The following SLC19A1 variants were observed in gnomAD, a reference collection of about 807,000 sequenced individuals.
The protein encoded by SLC19A1 is solute carrier family 19 member 1.
Under a neutral mutation model 35.3 loss-of-function variants are expected in SLC19A1, and 37 were observed. That is an observed-to-expected ratio of 1.05 (90% CI 0.81 to 1.38). SLC19A1 has a LOEUF of 1.38. SLC19A1 is among the 40% of genes most tolerant of loss of function. The pLI, the probability that SLC19A1 is intolerant of heterozygous loss-of-function variation, is 0.00. For missense variants in SLC19A1, 831 were observed against 826.9 expected (o/e 1.00, Z -0.06); for synonymous variants, 460 against 398.5 (o/e 1.15, Z -1.84).
At chr21:45,549,402 A>T (rs2078443197), upstream of SLC19A1, among the ~76,000 whole-genome samples, 1 of 151,912 alleles carries the variant, frequency 6.6e-6, no homozygotes, top group African/African-American at 2.4e-5. Context: ...TCTGTCAGAC[A>T]TGTTTAACAA....
chr21:45,545,930 T>C (rs944647354), upstream of SLC19A1, among the ~76,000 whole-genome samples: 1 of 152,220 alleles, frequency 6.6e-6, no homozygotes, highest in African/African-American at 2.4e-5. Context: ...TGCTGGCCAG[T>C]GGGTCTCTGC....
At position 45,516,100 on chromosome 21, in the gene SLC19A1, A is replaced by C; in HGVS notation, c.1334T>G (p.Ile445Ser). The change falls in exon 6 of 6, where the codon ATC becomes AGC. Residue 445 changes from isoleucine to serine, a missense_variant. Physicochemically the swap from Ile to Ser is moderately radical, Grantham distance 142. Transcript: ENST00000311124. ...ATCCAGCATGGCCCCCAAGAAGTAG[A>C]TGATGGACAGGATCAGGAAGTACAC... ...YSVYFLILSI[I>S]YFLGAMLDGL... 6.2e-7 allele frequency: 1 copy of C among 1,606,264 alleles called. No individual in the cohort carries two copies. The highest frequency in any genetic ancestry group is 8.5e-7 in the Non-Finnish European group (1 of 1,177,470).
At chr21:45,536,000 G>T in intron 2 of SLC19A1, 1 of 202,592 alleles carries the variant, frequency 4.9e-6, no homozygotes, top group Non-Finnish European at 9.0e-6. Context: ...ACTGGTGGCT[G>T]CCCCTGCACC....
rs114186192 is a variant in SLC19A1, at chr21:45,562,742, G to A, written c.-50C>T. ...CCAGACAGAAAGGAGCTGTACTTAC[G>A]GTAGATTCCAACAATCCGCAGAAGA... On this transcript the variant is annotated splice_region_variant and 5_prime_UTR_variant, in exon 1 of 6. Transcript: ENST00000650808. 3.2e-3 allele frequency among the ~76,000 whole-genome samples: 493 copies of A among 152,310 alleles called. 3 individuals carry two copies. The highest frequency in any genetic ancestry group is 0.011 in the African/African-American group (462 of 41,548).
chr21:45,515,065 C>T lies in SLC19A1; in HGVS notation c.*593G>A, dbSNP rs1180281091. On this transcript the variant is annotated 3_prime_UTR_variant, in exon 6 of 6. Coordinates refer to ENST00000311124, the MANE Select transcript of SLC19A1 (RefSeq NM_194255.4). ...AGGAACCAGCTCCGAGGACCAGAGC[C>T]GCTGCTCCCCTCTGATGACAATGTG... 1.4e-5 allele frequency: 22 copies of T among 1,545,214 alleles called. No homozygotes were observed. Among genetic ancestry groups the T allele is most frequent in the Non-Finnish European group, 1.8e-5 (21 of 1,145,330 alleles).
In SLC19A1 at chr21:45,540,001, CAGGCAGGGGCCACTGCCAGGCCG is replaced by C. The variant is rs932358008; in HGVS notation, c.-49-2016_-49-1994del. ...ACAGCCGGCCAGGCAGGAGGAAGCG[CAGGCAGGGGCCACTGCCAGGCCG>C]AGGCAGATCTGACGGTCGCCTGCCT... On this transcript the variant is annotated intron_variant, in intron 1 of 5. Transcript: ENST00000311124. The surrounding 1 kb of genome is among the most constrained non-coding windows in gnomAD (Gnocchi z 5.5). 5.9e-5 allele frequency among the ~76,000 whole-genome samples: 9 copies of C among 152,290 alleles called. No individual in the cohort carries two copies. In the Middle Eastern group the frequency reaches 0.017, roughly 288 times the overall value.
In SLC19A1 at chr21:45,534,811, A is replaced by C; in HGVS notation, c.190-2663T>G. ...AGGCTGCTGGGGGAGGGGCCCTCACAACGGTCCCAGCAGGGAGGTGGCATC... is the reference window on the plus strand; with the variant it reads ...AGGCTGCTGGGGGAGGGGCCCTCACCACGGTCCCAGCAGGGAGGTGGCATC... On this transcript the variant is annotated intron_variant, in intron 2 of 5. Coordinates refer to ENST00000311124, the MANE Select transcript of SLC19A1 (RefSeq NM_194255.4). This position sits in a 1 kb window ranked among gnomAD's most constrained non-coding sequence, Gnocchi z 4.2. 1 of 575,942 alleles carries C rather than the reference A, an allele frequency of 1.7e-6. No individual in the cohort carries two copies. The highest frequency in any genetic ancestry group is 3.1e-6 in the Non-Finnish European group (1 of 322,486). 35.7% of individuals were successfully genotyped at this position (575,942 alleles called of 1,614,324 possible). A position where few individuals can be genotyped will look rare whatever the true frequency, so the allele number is the denominator to read the frequency against.
intron 1 of SLC19A1, among the ~76,000 whole-genome samples, chr21:45,553,137 G>A (rs1413026264): frequency 1.3e-5 from 2 of 152,328 alleles, no homozygotes; most frequent in South Asian, 2.1e-4. Flanking sequence ...GGCCTGGAGG[G>A]CAGGGGCCTT....
At chr21:45,544,176 C>G, upstream of SLC19A1, 1 of 152,478 alleles carries the variant, frequency 6.6e-6, no homozygotes, top group Non-Finnish European at 1.5e-5. Context: ...AATCCGCCCC[C>G]GGCCGCGAGG....
chr21:45,523,909 T>C (rs930129094), intron 5 of SLC19A1, among the ~76,000 whole-genome samples: 30 of 152,308 alleles, frequency 2.0e-4, no homozygotes, highest in Admixed American at 1.8e-3. Context: ...GCTGGACTGC[T>C]GCCAGCACCC....
At chr21:45,506,828 G>A (rs950278452) in intron 3 of SLC19A1, 41 of 160,266 alleles carry the variant, frequency 2.6e-4, no homozygotes, top group Non-Finnish European at 4.2e-4. Flanking sequence ...CCTCCCTCTC[G>A]CCACCGGCCC....
chr21:45,539,916 C>T (rs2078250583), intron 1 of SLC19A1, among the ~76,000 whole-genome samples: 1 of 152,160 alleles, frequency 6.6e-6, no homozygotes, highest in Non-Finnish European at 1.5e-5. Flanking sequence ...GAAGATGGGA[C>T]CAGCACCCTC....
Position 45,530,404 on chromosome 21 carries a change from G to A in SLC19A1, c.1151+366C>T, listed in dbSNP as rs1391120635. On this transcript the variant is annotated intron_variant, in intron 4 of 5. Coordinates refer to ENST00000311124, the MANE Select transcript of SLC19A1 (RefSeq NM_194255.4). This position sits in a 1 kb window ranked among gnomAD's most constrained non-coding sequence, Gnocchi z 5.3. ...TGTGAGCGTGTGGTGTGTGTGTGGTGTGAGTGCCTGGTGTGAGTGTAAGCT... is the reference window on the plus strand; with the variant it reads ...TGTGAGCGTGTGGTGTGTGTGTGGTATGAGTGCCTGGTGTGAGTGTAAGCT... Among the ~76,000 whole-genome samples the A allele has an allele frequency of 6.6e-6, 1 of 152,118 alleles. No individual in the cohort carries two copies. The highest frequency in any genetic ancestry group is 1.5e-5 in the Non-Finnish European group (1 of 68,004).
chr21:45,527,169 G>A (rs572821340), intron 4 of SLC19A1, among the ~76,000 whole-genome samples: 1 of 149,500 alleles, frequency 6.7e-6, no homozygotes, highest in Non-Finnish European at 1.5e-5. Flanking sequence ...CAGCTGGGCA[G>A]AGCGGGCCCT....
At chr21:45,508,569 T>C (rs1339695451), downstream of SLC19A1, among the ~76,000 whole-genome samples, 1 of 151,724 alleles carries the variant, frequency 6.6e-6, no homozygotes, top group Admixed American at 6.6e-5. Context: ...TTCCTAAGTG[T>C]TGCGTCCAGC....
chr21:45,534,072 G>A lies in SLC19A1; in HGVS notation c.190-1924C>T, dbSNP rs1054503599. Among the ~76,000 whole-genome samples the A allele has an allele frequency of 6.6e-6, 1 of 152,126 alleles. No individual in the cohort carries two copies. The highest frequency in any genetic ancestry group is 1.5e-5 in the Non-Finnish European group (1 of 68,006). On this transcript the variant is annotated intron_variant, in intron 2 of 5. Coordinates refer to ENST00000311124, the MANE Select transcript of SLC19A1 (RefSeq NM_194255.4). This position sits in a 1 kb window ranked among gnomAD's most constrained non-coding sequence, Gnocchi z 4.2. ...AGCACCAGGCACCCAAGGTCCCTCC[G>A]GCACTCCGTCCTGCTCAGGACATTC...
In SLC19A1 at chr21:45,551,069, T is replaced by TTCACA. The variant is rs1198356566; in HGVS notation, c.-50+11672_-50+11673insTGTGA. Among the ~76,000 whole-genome samples, 3 of 151,454 alleles carry TTCACA rather than the reference T, an allele frequency of 2.0e-5. 1 individual carries two copies. The highest frequency in any genetic ancestry group is 4.4e-5 in the Non-Finnish European group (3 of 67,934). Reference sequence around the variant, plus strand: ...TGTTCTTCACAGTCCCAGCTACGCCTGGGTTGGTTGCACTCTCTGTTCCTC... The same window carrying TTCACA: ...TGTTCTTCACAGTCCCAGCTACGCCTTCACAGGGTTGGTTGCACTCTCTGTTCCTC... On this transcript the variant is annotated intron_variant, in intron 1 of 5. Transcript: ENST00000650808.
At chr21:45,510,210 C>T (rs529114618), downstream of SLC19A1, 5 of 1,605,324 alleles carry the variant, frequency 3.1e-6, no homozygotes, top group East Asian at 4.5e-5. Flanking sequence ...AGGACCTGTA[C>T]AGCATCGTGC....
chr21:45,509,752 C>T, downstream of SLC19A1: 1 of 701,704 alleles, frequency 1.4e-6, no homozygotes, highest in Non-Finnish European at 2.6e-6. Context: ...GGCGGCTTGG[C>T]TGGCCCTGGG....
Sources: gnomAD v4.1 joint callset for allele counts (sites outside exome capture counted in the v4.1 genomes callset) on GRCh38, gnomAD v4.1.1 for gene constraint, Gnocchi (gnomAD v3.1) non-coding constraint, MANE v1.5 for transcripts, NCBI Gene and HGNC (gene_info 2026-07-23, HGNC 2026-07-21) for gene names.